Variants in SSBP3 observed in about 807,000 individuals in gnomAD.
SSBP3 encodes the protein single stranded DNA binding protein 3.
SSBP3 carries 5 observed loss-of-function variants against 69.6 expected under a neutral mutation model. That is an observed-to-expected ratio of 0.07 (90% CI 0.04 to 0.15). The LOEUF (loss-of-function observed/expected upper bound fraction) is 0.15. SSBP3 is among the 10% of genes least tolerant of loss of function. The pLI is 1.00. For missense variants in SSBP3, 312 were observed against 534.0 expected (o/e 0.58, Z 4.10); for synonymous variants, 196 against 193.4 (o/e 1.01, Z -0.11).
chr1:54,340,820 A>T (rs1010169612), intron 4 of SSBP3, among the ~76,000 whole-genome samples: 10 of 152,240 alleles, frequency 6.6e-5, no homozygotes, highest in Non-Finnish European at 1.2e-4. Context: ...GCAGGCTCCT[A>T]CAAGTAGGTA....
chr1:54,276,675 C>A (rs559090497), intron 5 of SSBP3, among the ~76,000 whole-genome samples: 20 of 150,618 alleles, frequency 1.3e-4, no homozygotes, highest in African/African-American at 4.6e-4. Context: ...GTGCTCAAGT[C>A]CCCGTCTCCA....
At chr1:54,257,562 G>A (rs1644944298) in intron 6 of SSBP3, among the ~76,000 whole-genome samples, 1 of 152,148 alleles carries the variant, frequency 6.6e-6, no homozygotes, top group South Asian at 2.1e-4. Flanking sequence ...AGGGCCTGCA[G>A]ACAAAGCTGG....
exon 1 of SSBP3, chr1:54,406,088 C>T (rs1649743066): frequency 4.0e-6 from 5 of 1,237,482 alleles, no homozygotes; most frequent in Non-Finnish European, 5.4e-6. Context: ...CGAGCTGCCC[C>T]TCGCTCCCGG....
chr1:54,389,708 A>T (rs1284490312), intron 4 of SSBP3, among the ~76,000 whole-genome samples: 1 of 151,940 alleles, frequency 6.6e-6, no homozygotes, highest in Non-Finnish European at 1.5e-5. Flanking sequence ...AAAAAATAAA[A>T]AAATAAAAAA....
At chr1:54,362,626 G>A (rs1646967168) in intron 4 of SSBP3, among the ~76,000 whole-genome samples, 1 of 152,210 alleles carries the variant, frequency 6.6e-6, no homozygotes, top group African/African-American at 2.4e-5. Context: ...ACACTCAGTG[G>A]TATATCCCCC....
chr1:54,281,547 G>A lies in SSBP3; in HGVS notation c.277-20C>T. On this transcript the variant is annotated intron_variant, in intron 4 of 17. Coordinates refer to ENST00000610401, the Ensembl canonical transcript of SSBP3. The stretch of plus-strand genomic sequence containing the variant: ...TGCACTCTGTGGAGACAACAAGGCA[G>A]AGAGTTAGTGGCCAAACCCACAACC... 6 of 1,552,218 alleles carry A rather than the reference G, an allele frequency of 3.9e-6. No individual in the cohort carries two copies. The highest frequency in any genetic ancestry group is 5.2e-6 in the Non-Finnish European group (6 of 1,146,588).
chr1:54,376,189 T>TGG (rs1338809260), intron 4 of SSBP3, among the ~76,000 whole-genome samples: 2 of 148,274 alleles, frequency 1.3e-5, no homozygotes, highest in South Asian at 4.3e-4. Flanking sequence ...CGTGCATGCG[T>TGG]GGGTGTGTGT....
intron 4 of SSBP3, among the ~76,000 whole-genome samples, chr1:54,393,837 G>A (rs1427931273): frequency 6.6e-6 from 1 of 152,062 alleles, no homozygotes; most frequent in East Asian, 1.9e-4. Context: ...TTGGCTCACT[G>A]CAACCTCCAC....
At chr1:54,408,681 T>C (rs1048652679), upstream of SSBP3, among the ~76,000 whole-genome samples, 12 of 152,360 alleles carry the variant, frequency 7.9e-5, no homozygotes, top group Middle Eastern at 0.01. Context: ...TTAGAAGATA[T>C]ACAGTATCTC....
chr1:54,251,522 G>T, intron 9 of SSBP3, 94 bp downstream of exon 9: 1 of 1,321,130 alleles, frequency 7.6e-7, no homozygotes, highest in Non-Finnish European at 1.1e-6. Flanking sequence ...TGCGAACTGA[G>T]AGATGTGGGA....
intron 17 of SSBP3, among the ~76,000 whole-genome samples, chr1:54,227,412 A>ACGG (rs1286232191): frequency 6.6e-6 from 1 of 152,020 alleles, no homozygotes; most frequent in Non-Finnish European, 1.5e-5. Context: ...AAGGCAGCTG[A>ACGG]CGGCGCCTCC....
intron 5 of SSBP3, among the ~76,000 whole-genome samples, chr1:54,272,285 C>T (rs1214907971): frequency 6.6e-6 from 1 of 152,146 alleles, no homozygotes; most frequent in Middle Eastern, 3.4e-3. Context: ...GCTGGAATGG[C>T]CTCTGACCCC....
intron 3 of SSBP3, 59 bp downstream of exon 3, chr1:54,404,517 C>T (rs1649550903): frequency 1.3e-6 from 2 of 1,598,760 alleles, no homozygotes; most frequent in African/African-American, 2.7e-5. Flanking sequence ...TCTTTGTTCA[C>T]TTGGACCCAG....
At chr1:54,250,481 G>A (rs1024782676) in intron 9 of SSBP3, among the ~76,000 whole-genome samples, 2 of 152,084 alleles carry the variant, frequency 1.3e-5, no homozygotes, top group African/African-American at 4.8e-5. Flanking sequence ...TGGAGCAGAG[G>A]GCTGTGGTTC....
intron 4 of SSBP3, among the ~76,000 whole-genome samples, chr1:54,289,081 T>TTA (rs2100931385): frequency 6.8e-6 from 1 of 146,970 alleles, no homozygotes; most frequent in Non-Finnish European, 1.5e-5. Context: ...CTCACCCCTG[T>TTA]AGTTCCCAGG....
chr1:54,394,052 G>A (rs1042064262), intron 4 of SSBP3, among the ~76,000 whole-genome samples: 5 of 152,140 alleles, frequency 3.3e-5, no homozygotes, highest in Admixed American at 2.6e-4. Flanking sequence ...TAGCCACTGC[G>A]CCCGGCCTGG....
At chr1:54,386,682 A>ATTTTTTTTTTTTTTTTTTTTTTTTTTTTT (rs1648104342) in intron 4 of SSBP3, among the ~76,000 whole-genome samples, 1 of 55,052 alleles carries the variant, frequency 1.8e-5, no homozygotes. Context: ...AACTGATCCT[A>ATTTTTTTTTTTTTTTTTTTTTTTTTTTTT]CTTTTTTTTT....
chr1:54,280,733 G>A (rs1446372816), intron 5 of SSBP3, among the ~76,000 whole-genome samples: 3 of 152,326 alleles, frequency 2.0e-5, no homozygotes. Flanking sequence ...AGGCGGCGCA[G>A]AGAGGGTGGC....
chr1:54,369,223 G>GC (rs1016967309), intron 4 of SSBP3, among the ~76,000 whole-genome samples: 9 of 150,700 alleles, frequency 6.0e-5, no homozygotes, highest in Admixed American at 3.3e-4. Context: ...TGAGTCGGGG[G>GC]GGGGGCCCAA....
Sources: gnomAD v4.1 joint callset for allele counts (sites outside exome capture counted in the v4.1 genomes callset) on GRCh38, gnomAD v4.1.1 for gene constraint, MANE v1.5 for transcripts, NCBI Gene and HGNC (gene_info 2026-07-23, HGNC 2026-07-21) for gene names.